The following SBF2 variants were observed in gnomAD, a reference collection of about 807,000 sequenced individuals.
SBF2 encodes the protein SET binding factor 2.
SBF2 carries 112 observed loss-of-function variants against 225.2 expected under a neutral mutation model. The ratio of observed to expected loss-of-function variants is 0.50; its 90% CI spans 0.43 to 0.58. The LOEUF (loss-of-function observed/expected upper bound fraction) is 0.58, where lower values mean the gene tolerates loss of function less well. Ranked by LOEUF, SBF2 falls within the 20% of genes least tolerant of loss-of-function variation. SBF2 has a pLI of 0.00. For synonymous variants in SBF2, 763 were observed against 773.3 expected, an observed-to-expected ratio of 0.99 and a Z score of 0.22; for missense variants, 1,996 against 2,206.2, an observed-to-expected ratio of 0.90 and a Z score of 1.91.
intron 1 of SBF2, among the ~76,000 whole-genome samples, chr11:10,202,132 T>C (rs1434148508): frequency 3.9e-5 from 6 of 152,218 alleles, no homozygotes; most frequent in Non-Finnish European, 2.9e-5. Context: ...TGAATTAAAA[T>C]GTCTTCTTTA....
At chr11:10,240,758 A>AT (rs1959197674) in intron 1 of SBF2, among the ~76,000 whole-genome samples, 1 of 152,064 alleles carries the variant, frequency 6.6e-6, no homozygotes, top group Admixed American at 6.6e-5. Context: ...TATATGGTGC[A>AT]TTTTTTTCTG....
At chr11:10,107,439 A>C (rs931683247) in intron 2 of SBF2, among the ~76,000 whole-genome samples, 17 of 152,234 alleles carry the variant, frequency 1.1e-4, no homozygotes, top group African/African-American at 4.1e-4. Context: ...TTTAGGTAAA[A>C]TTCTATACAA....
At chr11:9,783,462 A>T (rs1386465359) in intron 38 of SBF2, among the ~76,000 whole-genome samples, 5 of 152,294 alleles carry the variant, frequency 3.3e-5, no homozygotes, top group South Asian at 2.1e-4. Flanking sequence ...ATGCATTGAG[A>T]ATCAAAATGT....
chr11:9,968,247 CTT>C, intron 14 of SBF2, 92 bp downstream of exon 14: 4 of 1,132,930 alleles, frequency 3.5e-6, no homozygotes, highest in Non-Finnish European at 5.4e-6. Flanking sequence ...AGTTTGTTCA[CTT>C]TGTGAAAATT....
chr11:9,954,974 A>C (rs1404478437), intron 16 of SBF2, among the ~76,000 whole-genome samples: 1 of 152,122 alleles, frequency 6.6e-6, no homozygotes, highest in Non-Finnish European at 1.5e-5. Context: ...TAATCTGTTA[A>C]TTCTATTCCT....
Position 9,856,538 on chromosome 11 carries a change from G to A in SBF2, c.2283C>T (p.Leu761=), listed in dbSNP as rs781716972. The change falls in exon 19 of 40, where the codon CTC becomes CTT. Residue 761 remains leucine (L), a synonymous_variant. Coordinates refer to ENST00000256190, the MANE Select transcript of SBF2 (RefSeq NM_030962.4). The part of the protein sequence containing the change: ...ANLMVNLLVP[L]DTSKNKLLRT... ...TTAGGAGCTTGTTTTTACTTGTGTC[G>A]AGTGGAACTAGCAGGTTCACCATGA... is the stretch of plus-strand genomic sequence containing the variant. 4.3e-6 allele frequency: 7 copies of A among 1,613,976 alleles called. No individual in the cohort carries two copies. The highest frequency in any genetic ancestry group is 3.3e-5 in the Admixed American group (2 of 59,986).
At chr11:10,185,109 T>TG (rs548437676) in intron 2 of SBF2, among the ~76,000 whole-genome samples, 2,759 of 148,500 alleles carry the variant, frequency 0.019, 46 homozygotes, top group African/African-American at 0.038. Context: ...AATAATATTC[T>TG]GGGGGGGGGT....
chr11:9,932,908 T>C lies in SBF2; in HGVS notation c.1860+29049A>G, dbSNP rs371305556. Among the ~76,000 whole-genome samples, 3 of 119,862 alleles carry C rather than the reference T, an allele frequency of 2.5e-5. No individual in the cohort carries two copies. The East Asian group carries it at 8.6e-4, about 34-fold the overall frequency. 78.6% of individuals were successfully genotyped at this position (119,862 alleles called of 152,430 possible). On this transcript the variant is annotated intron_variant, in intron 16 of 39. Coordinates refer to ENST00000256190, the MANE Select transcript of SBF2 (RefSeq NM_030962.4). Reference sequence around the variant, plus strand: ...CCCATCTCACATGAAGAGACACACATAGGCTCAAAATAAAGGGATGGAGGG... The same window carrying C: ...CCCATCTCACATGAAGAGACACACACAGGCTCAAAATAAAGGGATGGAGGG...
chr11:9,887,037 T>C (rs1564958733), intron 17 of SBF2, among the ~76,000 whole-genome samples: 1 of 152,148 alleles, frequency 6.6e-6, no homozygotes, highest in Non-Finnish European at 1.5e-5. Context: ...AACTGTACTA[T>C]ATTTCTTTTG....
At chr11:9,871,470 C>CCTA (rs1554934598) in intron 17 of SBF2, among the ~76,000 whole-genome samples, 1 of 136,944 alleles carries the variant, frequency 7.3e-6, no homozygotes, top group Non-Finnish European at 1.6e-5. Flanking sequence ...CAGGATGACG[C>CCTA]TTATTATTAT....
At chr11:9,870,053 A>G (rs1858595086) in intron 17 of SBF2, among the ~76,000 whole-genome samples, 1 of 152,166 alleles carries the variant, frequency 6.6e-6, no homozygotes, top group African/African-American at 2.4e-5. Context: ...ATTCCTATAT[A>G]CCAACAACAG....
rs1467586305 is a variant in SBF2, at chr11:10,094,445, T to C, written c.142-51464A>G. On this transcript the variant is annotated intron_variant, in intron 2 of 39. Transcript: ENST00000256190. ...TTTTTAACAATTAAACCTGACTGCC[T>C]ATAAAGGTTGTGCATATGAGTCTGT... Among the ~76,000 whole-genome samples, 4 of 151,974 alleles carry C rather than the reference T, an allele frequency of 2.6e-5. No individual in the cohort carries two copies. In the East Asian group the frequency reaches 5.8e-4, roughly 22 times the overall value.
chr11:9,935,033 A>G (rs72607316), intron 16 of SBF2, among the ~76,000 whole-genome samples: 1 of 152,192 alleles, frequency 6.6e-6, no homozygotes, highest in African/African-American at 2.4e-5. Flanking sequence ...TTTGCAGATG[A>G]CATGATTGTA....
At chr11:10,227,865 T>C (rs1434177173) in intron 1 of SBF2, among the ~76,000 whole-genome samples, 1 of 151,634 alleles carries the variant, frequency 6.6e-6, no homozygotes, top group Non-Finnish European at 1.5e-5. Flanking sequence ...AAGAAAGTCA[T>C]TGGTAGCTTG....
intron 3 of SBF2, 123 bp from the exon 4 acceptor site, chr11:10,031,293 A>T (rs1565153721): frequency 2.1e-6 from 2 of 941,690 alleles, no homozygotes; most frequent in East Asian, 2.8e-5. Context: ...ATATAATTTT[A>T]AAAATCAAAC....
intron 15 of SBF2, among the ~76,000 whole-genome samples, chr11:9,963,111 T>G (rs1332979475): frequency 6.6e-6 from 1 of 152,152 alleles, no homozygotes; most frequent in Non-Finnish European, 1.5e-5. Context: ...AATACTACAG[T>G]TCCTATAATT....
At chr11:9,812,444 G>A in intron 30 of SBF2, 88 bp downstream of exon 30, 1 of 1,415,380 alleles carries the variant, frequency 7.1e-7, no homozygotes, top group Non-Finnish European at 9.9e-7. Context: ...GGGGAACAAA[G>A]TATTTTTTTT....
intron 35 of SBF2, among the ~76,000 whole-genome samples, chr11:9,788,779 T>G (rs554443002): frequency 7.0e-6 from 1 of 142,296 alleles, no homozygotes; most frequent in East Asian, 2.1e-4. Flanking sequence ...TTTTTTTTTG[T>G]ATTTCTTAGT....
chr11:10,034,919 C>T (rs946645628), intron 3 of SBF2, among the ~76,000 whole-genome samples: 2 of 152,138 alleles, frequency 1.3e-5, no homozygotes, highest in African/African-American at 4.8e-5. Flanking sequence ...TCTACATGAT[C>T]AAACCAGGTT....
Sources: allele counts gnomAD v4.1 joint callset (sites outside exome capture counted in the v4.1 genomes callset), GRCh38; gene constraint gnomAD v4.1.1; transcripts MANE v1.5; gene names NCBI Gene and HGNC (gene_info 2026-07-23, HGNC 2026-07-21).